The following DENND2C variants were observed in gnomAD, a reference collection of about 807,000 sequenced individuals.
DENND2C encodes DENN domain-containing protein 2C.
Under a neutral mutation model 112.4 loss-of-function variants are expected in DENND2C, and 72 were observed. The ratio of observed to expected loss-of-function variants is 0.64; its 90% CI spans 0.53 to 0.78. The LOEUF (loss-of-function observed/expected upper bound fraction) is 0.78. DENND2C is among the 30% of genes least tolerant of loss of function. The pLI is 0.00. For missense variants in DENND2C, 992 were observed against 1,113.8 expected (o/e 0.89, Z 1.56); for synonymous variants, 329 against 381.6 (o/e 0.86, Z 1.61).
At chr1:114,640,228 A>G (rs1656786617) in intron 3 of DENND2C, among the ~76,000 whole-genome samples, 1 of 152,202 alleles carries the variant, frequency 6.6e-6, no homozygotes, top group Non-Finnish European at 1.5e-5. Flanking sequence ...TTAAATCCAG[A>G]TCATGTGCTT....
intron 2 of DENND2C, among the ~76,000 whole-genome samples, chr1:114,646,371 ATTT>A (rs926197035): frequency 2.0e-5 from 3 of 152,244 alleles, no homozygotes; most frequent in African/African-American, 7.2e-5. Context: ...ATGGTGTGAC[ATTT>A]TAAGTTTTGC....
At position 114,602,089 on chromosome 1, in the gene DENND2C, G is replaced by T. The variant is rs188079447; in HGVS notation, c.1737+36C>A. ...TCCTACTCTGACTCAATTATTCCTT[G>T]ACCAACCCTGTCTGTAACACAAATC... On this transcript the variant is annotated intron_variant, in intron 12 of 20. Coordinates refer to ENST00000393274, the MANE Select transcript of DENND2C (RefSeq NM_001256404.2). The T allele has an allele frequency of 1.0e-3, 1,675 of 1,608,856 alleles. 14 individuals carry two copies. The highest frequency in any genetic ancestry group is 3.0e-4 in the Non-Finnish European group (358 of 1,176,114).
At position 114,585,453 on chromosome 1, in the gene DENND2C, A is replaced by G; in HGVS notation, c.*147T>C. The G allele has an allele frequency of 2.6e-6, 2 of 764,834 alleles. No homozygotes were observed. Among genetic ancestry groups the G allele is most frequent in the Non-Finnish European group, 4.3e-6 (2 of 465,276 alleles). 47.4% of individuals were successfully genotyped at this position (764,834 alleles called of 1,614,324 possible). ...CAGTGATTACTACAGCAGCAACAGGAGAATCCTCCTCTAACAGCCTGACTC... is the reference window on the plus strand; with the variant it reads ...CAGTGATTACTACAGCAGCAACAGGGGAATCCTCCTCTAACAGCCTGACTC... On this transcript the variant is annotated 3_prime_UTR_variant, in exon 21 of 21. Coordinates refer to ENST00000393274, the MANE Select transcript of DENND2C (RefSeq NM_001256404.2).
At chr1:114,630,521 A>G (rs1486279829) in intron 3 of DENND2C, among the ~76,000 whole-genome samples, 1 of 152,012 alleles carries the variant, frequency 6.6e-6, no homozygotes. Flanking sequence ...GGCAGGTCCT[A>G]TGATGGCCCA....
intron 1 of DENND2C, among the ~76,000 whole-genome samples, chr1:114,658,149 T>C (rs1336214545): frequency 6.6e-6 from 1 of 151,792 alleles, no homozygotes; most frequent in Non-Finnish European, 1.5e-5. Flanking sequence ...AAGCCAAAGG[T>C]TTAAGGAGAA....
At chr1:114,607,668 A>G (rs949899243) in intron 10 of DENND2C, among the ~76,000 whole-genome samples, 1 of 152,176 alleles carries the variant, frequency 6.6e-6, no homozygotes, top group Non-Finnish European at 1.5e-5. Flanking sequence ...CCTGGCAAAT[A>G]TTAGGTATTT....
chr1:114,638,469 T>C (rs1656714889), intron 3 of DENND2C, among the ~76,000 whole-genome samples: 1 of 152,018 alleles, frequency 6.6e-6, no homozygotes, highest in Non-Finnish European at 1.5e-5. Flanking sequence ...GGCTTAAAAA[T>C]TAAATGGAGC....
At chr1:114,605,539 C>G (rs1328895980) in intron 10 of DENND2C, among the ~76,000 whole-genome samples, 1 of 152,224 alleles carries the variant, frequency 6.6e-6, no homozygotes, top group Non-Finnish European at 1.5e-5. Context: ...GGCCTGTAAT[C>G]CCAGCACTTT....
chr1:114,606,772 A>C lies in DENND2C; in HGVS notation c.1558-1741T>G, dbSNP rs956051897. On this transcript the variant is annotated intron_variant, in intron 10 of 20. Transcript: ENST00000393274. ...ACTCTCCCAGACACCCAGGTGCTGC[A>C]GTCTGCAATCCGGTACACAAGTGGC... Among the ~76,000 whole-genome samples, 6 of 152,300 alleles carry C rather than the reference A, an allele frequency of 3.9e-5. 1 individual carries two copies. Among genetic ancestry groups the C allele is most frequent in the Admixed American group, 3.9e-4 (6 of 15,302 alleles).
chr1:114,625,286 A>C lies in DENND2C; in HGVS notation c.699T>G (p.Cys233Trp). The change falls in exon 4 of 21, where the codon TGT becomes TGG. Residue 233 changes from cysteine (C) to tryptophan (W), a missense_variant. Coordinates refer to ENST00000393274, the MANE Select transcript of DENND2C (RefSeq NM_001256404.2). ...AGTTATTTTCACAGTATTTTTTGTCACAGTTTCTTTCTTTATACGGCGTAA... is the reference window on the plus strand; with the variant it reads ...AGTTATTTTCACAGTATTTTTTGTCCCAGTTTCTTTCTTTATACGGCGTAA... ...SGVTPYKERN[C>W]DKKYCENNSC... is the part of the protein sequence containing the mutation. The C allele has an allele frequency of 9.3e-6, 15 of 1,614,164 alleles. No individual in the cohort carries two copies. The highest frequency in any genetic ancestry group is 1.3e-5 in the Non-Finnish European group (15 of 1,180,008).
intron 2 of DENND2C, among the ~76,000 whole-genome samples, chr1:114,653,912 C>T (rs1657236704): frequency 6.6e-6 from 1 of 151,986 alleles, no homozygotes; most frequent in African/African-American, 2.4e-5. Flanking sequence ...ATTAAATGTA[C>T]CATGGTAAAG....
intron 1 of DENND2C, among the ~76,000 whole-genome samples, chr1:114,667,418 C>T (rs1046845517): frequency 6.6e-6 from 1 of 152,074 alleles, no homozygotes; most frequent in African/African-American, 2.4e-5. Flanking sequence ...AGTCTGAGAA[C>T]AGATATTTTT....
At chr1:114,592,285 T>C (rs1655216280) in intron 18 of DENND2C, among the ~76,000 whole-genome samples, 2 of 152,204 alleles carry the variant, frequency 1.3e-5, no homozygotes, top group Admixed American at 1.3e-4. Context: ...CTGTATTCTT[T>C]CTATTGCTCT....
chr1:114,637,860 T>C (rs1656700780), intron 3 of DENND2C, among the ~76,000 whole-genome samples: 1 of 152,048 alleles, frequency 6.6e-6, no homozygotes, highest in South Asian at 2.1e-4. Flanking sequence ...TCAAAATTGA[T>C]CTACAGATTC....
intron 1 of DENND2C, among the ~76,000 whole-genome samples, chr1:114,665,722 T>A (rs957979213): frequency 2.0e-5 from 3 of 152,240 alleles, no homozygotes; most frequent in Non-Finnish European, 4.4e-5. Flanking sequence ...GTTGTTCAAC[T>A]TTCAATTAAA....
chr1:114,600,605 C>CA (rs2101647938), intron 14 of DENND2C, among the ~76,000 whole-genome samples: 1 of 152,272 alleles, frequency 6.6e-6, no homozygotes, highest in South Asian at 2.1e-4. Context: ...CAAAGGGACT[C>CA]AGTCTATGTA....
chr1:114,639,404 C>T (rs889837444), intron 3 of DENND2C, among the ~76,000 whole-genome samples: 8 of 151,882 alleles, frequency 5.3e-5, no homozygotes, highest in African/African-American at 1.9e-4. Context: ...CATGGTGAAA[C>T]CCCACCTCTA....
chr1:114,590,167 G>A (rs1655145488), intron 18 of DENND2C, among the ~76,000 whole-genome samples: 1 of 152,112 alleles, frequency 6.6e-6, no homozygotes, highest in Non-Finnish European at 1.5e-5. Context: ...ACTGAAGCAG[G>A]CAGCTCACCT....
At position 114,625,522 on chromosome 1, in the gene DENND2C, C is replaced by T. The variant is rs75411800; in HGVS notation, c.463G>A (p.Ala155Thr). 5.7e-4 allele frequency: 928 copies of T among 1,614,046 alleles called. 2 individuals carry two copies. In the African/African-American group the frequency reaches 0.011, roughly 19 times the overall value. Reference protein sequence around the residue: ...TSQILWKKIEALPPDKLLNLA... With the variant: ...TSQILWKKIETLPPDKLLNLA... The stretch of plus-strand genomic sequence containing the variant: ...TTTAAGAGTTTATCTGGGGGAAGTG[C>T]TTCTATTTTCTTCCACAGTATTTGT... The change falls in exon 4 of 21, where the codon GCA becomes ACA. Residue 155 changes from alanine to threonine, a missense_variant. This residue lies in a region of DENND2C where 470 missense variants were observed against 472.7 expected (regional missense o/e 0.99). Transcript: ENST00000393274.
Sources: gnomAD v4.1 joint callset for allele counts (sites outside exome capture counted in the v4.1 genomes callset) on GRCh38, gnomAD v4.1.1 for gene constraint, gnomAD v4.1.1 regional missense constraint, MANE v1.5 for transcripts, NCBI Gene and HGNC (gene_info 2026-07-23, HGNC 2026-07-21) for gene names.